The following CD68 variants were observed in gnomAD, a reference collection of about 807,000 sequenced individuals.
CD68 encodes the protein CD68 molecule.
CD68 carries 24 observed loss-of-function variants against 31.3 expected under a neutral mutation model. The observed-to-expected ratio is 0.77, with a 90% CI of 0.55 to 1.08. The LOEUF is 1.08. Ranked by LOEUF, CD68 falls within the 50% of genes least tolerant of loss-of-function variation. The pLI is 0.00. For synonymous variants in CD68, 190 were observed against 179.6 expected, an observed-to-expected ratio of 1.06 and a Z score of -0.46; for missense variants, 461 against 442.5, an observed-to-expected ratio of 1.04 and a Z score of -0.38.
At position 7,581,578 on chromosome 17, in the gene CD68, C is replaced by G; in HGVS notation, c.*67C>G. 1 of 1,492,134 alleles carries G rather than the reference C, an allele frequency of 6.7e-7. No homozygotes were observed. Among genetic ancestry groups the G allele is most frequent in the South Asian group, 1.1e-5 (1 of 88,396 alleles). 92.4% of individuals were successfully genotyped at this position (1,492,134 alleles called of 1,614,324 possible). On this transcript the variant is annotated 3_prime_UTR_variant, in exon 6 of 6. Transcript: ENST00000250092. ...TGGTGGGGGGGTACCCTTATTTCCT[C>G]GACACGCAACTGGCTCAAAGACAAT...
Position 7,581,526 on chromosome 17 carries a change from C to T in CD68, c.*15C>T, listed in dbSNP as rs1183089194. On this transcript the variant is annotated 3_prime_UTR_variant, in exon 6 of 6. Coordinates refer to ENST00000250092, the MANE Select transcript of CD68 (RefSeq NM_001251.3). ...AGGCCCTCTGAGCATTTGCTTCAAACCCCAGGGCACTGAGGGGGTTGGGGT... is the reference window on the plus strand; with the variant it reads ...AGGCCCTCTGAGCATTTGCTTCAAATCCCAGGGCACTGAGGGGGTTGGGGT... 1.9e-6 allele frequency: 3 copies of T among 1,614,020 alleles called. No homozygotes were observed. The highest frequency in any genetic ancestry group is 1.1e-5 in the South Asian group (1 of 91,086).
At position 7,581,849 on chromosome 17, in the gene CD68, C is replaced by T. The variant is rs548524222; in HGVS notation, c.*338C>T. 257 of 284,312 alleles carry T rather than the reference C, an allele frequency of 9.0e-4. 1 individual carries two copies. The highest frequency in any genetic ancestry group is 4.5e-3 in the African/African-American group (208 of 46,258). The allele number at this position is 284,312 out of a possible 1,614,324, so 17.6% of individuals were successfully genotyped here. A position where few individuals can be genotyped will look rare whatever the true frequency, so the allele number is the denominator to read the frequency against. ...AGGCTGAGGCAGAACTGCTTGAACC[C>T]AGGAGGTGGAGGTTGCAGTGAGCCG... On this transcript the variant is annotated 3_prime_UTR_variant, in exon 6 of 6. Coordinates refer to ENST00000250092, the MANE Select transcript of CD68 (RefSeq NM_001251.3).
chr17:7,580,220 AAGG>A lies in CD68; in HGVS notation c.463_465del (p.Glu155del), dbSNP rs2071465837. ...CTCTCCGAGTCCTAGCCCAACCTCCAAGGAGACCATTGGAGACTACACGTGGAC... is the reference window on the plus strand; with the variant it reads ...CTCTCCGAGTCCTAGCCCAACCTCCAAGACCATTGGAGACTACACGTGGAC... On this transcript the variant is annotated inframe_deletion, in exon 2 of 6. Coordinates refer to ENST00000250092, the MANE Select transcript of CD68 (RefSeq NM_001251.3). This position sits in a 1 kb window ranked among gnomAD's most constrained non-coding sequence, Gnocchi z 4.3. The A allele has an allele frequency of 6.2e-7, 1 of 1,613,718 alleles. No individual in the cohort carries two copies. Among genetic ancestry groups the A allele is most frequent in the Non-Finnish European group, 8.5e-7 (1 of 1,179,962 alleles).
In CD68 at chr17:7,580,231, T is replaced by C; in HGVS notation, c.471T>C (p.Ile157=). The C allele has an allele frequency of 1.2e-6, 2 of 1,613,292 alleles. No homozygotes were observed. Among genetic ancestry groups the C allele is most frequent in the South Asian group, 2.2e-5 (2 of 91,028 alleles). Residue 157 remains isoleucine, a synonymous_variant, in exon 2 of 6, where the codon ATT becomes ATC. Coordinates refer to ENST00000250092, the MANE Select transcript of CD68 (RefSeq NM_001251.3). This position sits in a 1 kb window ranked among gnomAD's most constrained non-coding sequence, Gnocchi z 4.3. ...CTAGCCCAACCTCCAAGGAGACCAT[T>C]GGAGACTACACGTGGACCAATGGTT... ...PSPSPTSKET[I]GDYTWTNGSQ...
In CD68 at chr17:7,580,317, G is replaced by C; in HGVS notation, c.557G>C (p.Gly186Ala). 6.2e-7 allele frequency: 1 copy of C among 1,612,514 alleles called. No homozygotes were observed. Among genetic ancestry groups the C allele is most frequent in the Non-Finnish European group, 8.5e-7 (1 of 1,178,794 alleles). The stretch of plus-strand genomic sequence containing the variant: ...ATTCGAGTCATGTACACAACCCAGG[G>C]TGGAGGAGAGGTAAAGCTAAAACTG... ...IQIRVMYTTQ[G>A]GGEAWGISVL... is the part of the protein sequence containing the mutation. The change falls in exon 2 of 6, where the codon GGT becomes GCT. Residue 186 changes from glycine to alanine, a missense_variant. Physicochemically the swap from Gly to Ala is moderately conservative, Grantham distance 60. Coordinates refer to ENST00000250092, the MANE Select transcript of CD68 (RefSeq NM_001251.3). The surrounding 1 kb of genome is among the most constrained non-coding windows in gnomAD (Gnocchi z 4.3).
rs1340834950 is a variant in CD68 at position 7,581,955 on chromosome 17, T to C, written c.*444T>C. On this transcript the variant is annotated 3_prime_UTR_variant, in exon 6 of 6. Transcript: ENST00000250092. ...CCAGACTGTCTCAAATAAATAAATATGAGATAATGCAGTCGGGAGAAGGGA... is the reference window on the plus strand; with the variant it reads ...CCAGACTGTCTCAAATAAATAAATACGAGATAATGCAGTCGGGAGAAGGGA... The C allele has an allele frequency of 7.1e-6, 1 of 141,198 alleles. No homozygotes were observed. Among genetic ancestry groups the C allele is most frequent in the Non-Finnish European group, 1.4e-5 (1 of 69,992 alleles). 8.7% of individuals were successfully genotyped at this position (141,198 alleles called of 1,614,324 possible). A position where few individuals can be genotyped will look rare whatever the true frequency, so the allele number is the denominator to read the frequency against.
chr17:7,581,633 A>G lies in CD68; in HGVS notation c.*122A>G. On this transcript the variant is annotated 3_prime_UTR_variant, in exon 6 of 6. Coordinates refer to ENST00000250092, the MANE Select transcript of CD68 (RefSeq NM_001251.3). ...TTTTCCTTCCCTTTCTTGAAGAACA[A>G]AAAGAAAGCCGGGCATGACGGCTCA... The G allele has an allele frequency of 3.5e-6, 4 of 1,138,940 alleles. No individual in the cohort carries two copies. Among genetic ancestry groups the G allele is most frequent in the Non-Finnish European group, 5.0e-6 (4 of 799,334 alleles). 70.6% of individuals were successfully genotyped at this position (1,138,940 alleles called of 1,614,324 possible).
chr17:7,580,897 G>T lies in CD68; in HGVS notation c.762G>T (p.Gln254His). 2 of 1,614,060 alleles carry T rather than the reference G, an allele frequency of 1.2e-6. No homozygotes were observed. Among genetic ancestry groups the T allele is most frequent in the Non-Finnish European group, 1.7e-6 (2 of 1,179,998 alleles). ...TCTGACCCTTCCTCACTCCTCCAGA[G>T]TGGACATTCTCGGCTCAGAATGCAT... ...EYNVSFPHAA[Q>H]WTFSAQNASL... Residue 254 changes from glutamine (Q) to histidine (H), a missense_variant and splice_region_variant, in exon 5 of 6, where the codon CAG (glutamine) becomes CAT (histidine). Coordinates refer to ENST00000250092, the MANE Select transcript of CD68 (RefSeq NM_001251.3). This position sits in a 1 kb window ranked among gnomAD's most constrained non-coding sequence, Gnocchi z 4.3.
chr17:7,580,863 T>G lies in CD68; in HGVS notation c.761-33T>G. ...AAGGACTAAGCTGGGGCCAGGGAGG[T>G]GGATAGGATCTGACCCTTCCTCACT... On this transcript the variant is annotated intron_variant, in intron 4 of 5. Coordinates refer to ENST00000250092, the MANE Select transcript of CD68 (RefSeq NM_001251.3). This position sits in a 1 kb window ranked among gnomAD's most constrained non-coding sequence, Gnocchi z 4.3. 1 of 1,613,542 alleles carries G rather than the reference T, an allele frequency of 6.2e-7. No homozygotes were observed. Among genetic ancestry groups the G allele is most frequent in the Non-Finnish European group, 8.5e-7 (1 of 1,179,768 alleles).
rs1807013548 is a variant in CD68 at position 7,580,388 on chromosome 17, G to A, written c.567+61G>A. 1.9e-6 allele frequency: 3 copies of A among 1,609,646 alleles called. No homozygotes were observed. Among genetic ancestry groups the A allele is most frequent in the Admixed American group, 3.3e-5 (2 of 59,762 alleles). On this transcript the variant is annotated intron_variant, in intron 2 of 5. Transcript: ENST00000250092. This position sits in a 1 kb window ranked among gnomAD's most constrained non-coding sequence, Gnocchi z 4.3. ...GCAGGACTGGATATAGGCTCAGAGG[G>A]AAGAAGGAAGAGGGGACAGGGAACC...
chr17:7,580,672 GAGAGGGATACC>G lies in CD68; in HGVS notation c.688-37_688-27del. On this transcript the variant is annotated intron_variant, in intron 3 of 5. Coordinates refer to ENST00000250092, the MANE Select transcript of CD68 (RefSeq NM_001251.3). The surrounding 1 kb of genome is among the most constrained non-coding windows in gnomAD (Gnocchi z 4.3). ...CCCACACGCTACTCCTTCCTCTGTG[GAGAGGGATACC>G]ACCTGCGCCTTCCTCTTCGCCCCAC... 6.2e-7 allele frequency: 1 copy of G among 1,613,808 alleles called. No individual in the cohort carries two copies. Among genetic ancestry groups the G allele is most frequent in the Non-Finnish European group, 8.5e-7 (1 of 1,179,836 alleles).
Position 7,579,977 on chromosome 17 carries a change from G to T in CD68, c.217G>T (p.Gly73Ter). The change falls in exon 2 of 6, where the codon GGA becomes TGA. Residue 73 changes from glycine (G) to a stop codon, truncating the protein, a stop_gained. Coordinates refer to ENST00000250092, the MANE Select transcript of CD68 (RefSeq NM_001251.3). LOFTEE classifies it high-confidence loss of function. Reference protein sequence around the residue: ...RTTTTGTTSHGPTTATHNPTT... With the variant: ...RTTTTGTTSH The stretch of plus-strand genomic sequence containing the variant: ...AACCACCACAGGCACCACCAGCCAC[G>T]GACCCACGACTGCCACTCACAACCC... The T allele has an allele frequency of 6.2e-7, 1 of 1,608,854 alleles. No individual in the cohort carries two copies. The highest frequency in any genetic ancestry group is 8.5e-7 in the Non-Finnish European group (1 of 1,175,828).
In CD68 at chr17:7,580,331, A is replaced by C; in HGVS notation, c.567+4A>C. On this transcript the variant is annotated splice_donor_region_variant and intron_variant, in intron 2 of 5. Coordinates refer to ENST00000250092, the MANE Select transcript of CD68 (RefSeq NM_001251.3). This position sits in a 1 kb window ranked among gnomAD's most constrained non-coding sequence, Gnocchi z 4.3. ...CACAACCCAGGGTGGAGGAGAGGTA[A>C]AGCTAAAACTGGGGGATGAGAGGGG... 2 of 1,610,202 alleles carry C rather than the reference A, an allele frequency of 1.2e-6. No individual in the cohort carries two copies. Among genetic ancestry groups the C allele is most frequent in the East Asian group, 4.5e-5 (2 of 44,784 alleles).
At position 7,580,660 on chromosome 17, in the gene CD68, C is replaced by T; in HGVS notation, c.688-51C>T. On this transcript the variant is annotated intron_variant, in intron 3 of 5. Transcript: ENST00000250092. This position sits in a 1 kb window ranked among gnomAD's most constrained non-coding sequence, Gnocchi z 4.3. ...TCCCCTCCCAATCCCACACGCTACT[C>T]CTTCCTCTGTGGAGAGGGATACCAC... is the stretch of plus-strand genomic sequence containing the variant. 1 of 1,613,746 alleles carries T rather than the reference C, an allele frequency of 6.2e-7. No homozygotes were observed.
intron 5 of CD68, 77 bp from the exon 6 acceptor site, chr17:7,581,301 C>G: frequency 6.4e-7 from 1 of 1,552,660 alleles, no homozygotes; most frequent in Admixed American, 1.7e-5. Flanking sequence ...TCCCCAGCAT[C>G]CCCCCATTCC....
Position 7,581,887 on chromosome 17 carries a change from TA to T in CD68, c.*378del, listed in dbSNP as rs1464662447. 2 of 246,948 alleles carry T rather than the reference TA, an allele frequency of 8.1e-6. No homozygotes were observed. The highest frequency in any genetic ancestry group is 1.6e-5 in the Non-Finnish European group (2 of 121,854). 15.3% of individuals were successfully genotyped at this position (246,948 alleles called of 1,614,324 possible). A position where few individuals can be genotyped will look rare whatever the true frequency, so the allele number is the denominator to read the frequency against. On this transcript the variant is annotated 3_prime_UTR_variant, in exon 6 of 6. Coordinates refer to ENST00000250092, the MANE Select transcript of CD68 (RefSeq NM_001251.3). ...TTGCAGTGAGCCGTCATCGCGCCAC[TA>T]AGCCAAGATCGCGCCACTGCACTCC...
In CD68 at chr17:7,581,732, G is replaced by A. The variant is rs1384946246; in HGVS notation, c.*221G>A. On this transcript the variant is annotated 3_prime_UTR_variant, in exon 6 of 6. Transcript: ENST00000250092. ...AGGTCAGGAGTTTGAGACCAGCCTG[G>A]CCAACATGGTGAAACCCTGTCTCTA... 28 of 511,612 alleles carry A rather than the reference G, an allele frequency of 5.5e-5. No homozygotes were observed. Among genetic ancestry groups the A allele is most frequent in the Non-Finnish European group, 2.8e-5 (8 of 282,370 alleles). 31.7% of individuals were successfully genotyped at this position (511,612 alleles called of 1,614,324 possible).
Position 7,581,484 on chromosome 17 carries a change from A to G in CD68, c.1038A>G (p.Arg346=). The part of the protein sequence containing the change: ...LVLIAFCIIR[R]RPSAYQAL ...TTATTGCTTTCTGCATCATCCGGAG[A>G]CGCCCATCCGCCTACCAGGCCCTCT... Residue 346 remains arginine, a synonymous_variant, in exon 6 of 6, where the codon AGA becomes AGG. Transcript: ENST00000250092. The G allele has an allele frequency of 6.2e-7, 1 of 1,613,846 alleles. No individual in the cohort carries two copies. Among genetic ancestry groups the G allele is most frequent in the South Asian group, 1.1e-5 (1 of 91,064 alleles).
chr17:7,580,156 A>C lies in CD68; in HGVS notation c.396A>C (p.Pro132=). The part of the protein sequence containing the change: ...HPTSNSTATS[P]GFTSSAHPEP... Reference sequence around the variant, plus strand: ...CAAGCAACAGCACTGCCACCAGCCCAGGATTCACCAGTTCTGCCCACCCAG... The same window carrying C: ...CAAGCAACAGCACTGCCACCAGCCCCGGATTCACCAGTTCTGCCCACCCAG... The change falls in exon 2 of 6, where the codon CCA becomes CCC. Residue 132 remains proline (P), a synonymous_variant. Transcript: ENST00000250092. The surrounding 1 kb of genome is among the most constrained non-coding windows in gnomAD (Gnocchi z 4.3). 6.2e-7 allele frequency: 1 copy of C among 1,614,112 alleles called. No homozygotes were observed. Among genetic ancestry groups the C allele is most frequent in the African/African-American group, 1.3e-5 (1 of 75,024 alleles).
Sources: allele counts gnomAD v4.1 joint callset, GRCh38; gene constraint gnomAD v4.1.1; non-coding constraint Gnocchi (gnomAD v3.1); transcripts MANE v1.5; gene names NCBI Gene and HGNC (gene_info 2026-07-23, HGNC 2026-07-21).